Variants in SLC25A48 observed in about 807,000 individuals in gnomAD.
SLC25A48 encodes solute carrier family 25 member 48.
SLC25A48 carries 29 observed loss-of-function variants against 32.2 expected under a neutral mutation model. The observed-to-expected ratio is 0.90, with a 90% CI of 0.67 to 1.23. The LOEUF is 1.23. SLC25A48 is among the 50% of genes most tolerant of loss of function. The pLI is 0.00. For missense variants in SLC25A48, 399 were observed against 422.7 expected, an observed-to-expected ratio of 0.94 and a Z score of 0.49; for synonymous variants, 164 against 172.3, an observed-to-expected ratio of 0.95 and a Z score of 0.38.
chr5:135,586,083 G>A (rs1751359650), intron 1 of SLC25A48, among the ~76,000 whole-genome samples: 1 of 152,166 alleles, frequency 6.6e-6, no homozygotes, highest in African/African-American at 2.4e-5. Flanking sequence ...TACAGATGAG[G>A]AAACTGAGGA....
At chr5:135,703,953 A>T (rs1382858502) in intron 3 of SLC25A48, among the ~76,000 whole-genome samples, 1 of 152,144 alleles carries the variant, frequency 6.6e-6, no homozygotes, top group South Asian at 2.1e-4. Context: ...ACAATGCCAG[A>T]CTCAGTGTTT....
intron 1 of SLC25A48, among the ~76,000 whole-genome samples, chr5:135,597,358 A>G (rs578063653): frequency 5.1e-4 from 78 of 152,296 alleles, no homozygotes; most frequent in African/African-American, 1.7e-3. Flanking sequence ...TCCCAGGACA[A>G]TTCAGAAGTC....
At chr5:135,697,700 G>T (rs942298498) in intron 3 of SLC25A48, among the ~76,000 whole-genome samples, 3 of 152,296 alleles carry the variant, frequency 2.0e-5, no homozygotes, top group African/African-American at 4.8e-5. Context: ...CATTCAGGTT[G>T]CAGGCAGGTG....
At chr5:135,590,720 C>T (rs1421291291) in intron 1 of SLC25A48, among the ~76,000 whole-genome samples, 1 of 152,112 alleles carries the variant, frequency 6.6e-6, no homozygotes, top group Non-Finnish European at 1.5e-5. Context: ...GTTCCCTGTC[C>T]TGCAAAGAGG....
chr5:135,789,495 T>G (rs1756964735), intron 3 of SLC25A48, among the ~76,000 whole-genome samples: 1 of 151,524 alleles, frequency 6.6e-6, no homozygotes, highest in South Asian at 2.1e-4. Context: ...TACAACCGCC[T>G]GCGGAATGGT....
At chr5:135,760,610 G>A (rs1756039425) in intron 3 of SLC25A48, among the ~76,000 whole-genome samples, 2 of 152,184 alleles carry the variant, frequency 1.3e-5, no homozygotes, top group African/African-American at 2.4e-5. Flanking sequence ...TCAGCTGCTG[G>A]AGTGATCTGG....
rs541022622 is a variant in SLC25A48 at position 135,715,784 on chromosome 5, G to A, written c.-521+80828G>A. 2.0e-5 allele frequency among the ~76,000 whole-genome samples: 3 copies of A among 152,310 alleles called. No individual in the cohort carries two copies. In the East Asian group the frequency reaches 5.8e-4, roughly 29 times the overall value. ...CCTTTTCTCTCTTAGAACCACTTGT[G>A]CCTATAATTAGGCAGCAGTGCCTCA... On this transcript the variant is annotated intron_variant, in intron 3 of 10. Transcript: ENST00000646290.
intron 3 of SLC25A48, among the ~76,000 whole-genome samples, chr5:135,747,639 C>T (rs1291749923): frequency 6.6e-6 from 1 of 152,150 alleles, no homozygotes; most frequent in Non-Finnish European, 1.5e-5. Flanking sequence ...TGTCATTGAT[C>T]ACAGGTTTGG....
rs1366344402 is a variant in SLC25A48, at chr5:135,888,071, A to G, written c.*47A>G. ...ATGACTACAGTGTTCCCTGGGCCTC[A>G]TCTCTGCATGTGAAGCCCTGAGAGC... On this transcript the variant is annotated 3_prime_UTR_variant, in exon 8 of 8. Coordinates refer to ENST00000681962, the MANE Select transcript of SLC25A48 (RefSeq NM_001349336.2). 7 of 1,551,684 alleles carry G rather than the reference A, an allele frequency of 4.5e-6. No individual in the cohort carries two copies. The highest frequency in any genetic ancestry group is 4.9e-5 in the East Asian group (2 of 40,904).
intron 3 of SLC25A48, among the ~76,000 whole-genome samples, chr5:135,659,554 G>A (rs866711333): frequency 5.3e-5 from 8 of 152,258 alleles, no homozygotes; most frequent in Middle Eastern, 3.4e-3. Flanking sequence ...TTCCAAAGTT[G>A]CTTTGACATT....
chr5:135,692,652 T>A (rs1254687527), intron 3 of SLC25A48, among the ~76,000 whole-genome samples: 1 of 152,182 alleles, frequency 6.6e-6, no homozygotes, highest in African/African-American at 2.4e-5. Flanking sequence ...AATGCCGTCT[T>A]TGAGAGCTTA....
chr5:135,804,750 ACAT>A (rs1212707288), intron 3 of SLC25A48, among the ~76,000 whole-genome samples: 1 of 151,690 alleles, frequency 6.6e-6, no homozygotes, highest in African/African-American at 2.4e-5. Flanking sequence ...CAGTGAGTGT[ACAT>A]CATAAGTGTA....
intron 3 of SLC25A48, among the ~76,000 whole-genome samples, chr5:135,802,012 A>G (rs1757341672): frequency 6.6e-6 from 1 of 151,772 alleles, no homozygotes; most frequent in African/African-American, 2.4e-5. Flanking sequence ...AGGAGATAAG[A>G]TGCTATTACA....
At chr5:135,808,243 GATA>G (rs1757509306) in intron 3 of SLC25A48, among the ~76,000 whole-genome samples, 1 of 149,886 alleles carries the variant, frequency 6.7e-6, no homozygotes, top group African/African-American at 2.4e-5. Flanking sequence ...ATTAACACTT[GATA>G]TTATTATAAA....
chr5:135,851,172 T>C (rs6898302), intron 3 of SLC25A48, among the ~76,000 whole-genome samples: 1 of 152,170 alleles, frequency 6.6e-6, no homozygotes, highest in African/African-American at 2.4e-5. Context: ...GGTCCCACTG[T>C]AGCCATTGTC....
intron 1 of SLC25A48, among the ~76,000 whole-genome samples, chr5:135,585,374 C>A (rs182424291): frequency 1.6e-3 from 245 of 152,318 alleles, no homozygotes; most frequent in Middle Eastern, 3.4e-3. Flanking sequence ...TACAGGGAAG[C>A]CCTCCTTGAC....
At chr5:135,778,919 G>A (rs1756646328) in intron 3 of SLC25A48, among the ~76,000 whole-genome samples, 1 of 145,868 alleles carries the variant, frequency 6.9e-6, no homozygotes, top group Non-Finnish European at 1.5e-5. Flanking sequence ...TGCAGGAGGT[G>A]TACACCTCCA....
intron 3 of SLC25A48, among the ~76,000 whole-genome samples, chr5:135,851,614 G>A (rs146264672): frequency 6.6e-5 from 10 of 152,338 alleles, no homozygotes; most frequent in Admixed American, 3.3e-4. Context: ...GTGTGTGTGC[G>A]TGTGCAGGTG....
chr5:135,623,194 C>G (rs190602952), intron 1 of SLC25A48, among the ~76,000 whole-genome samples: 1 of 152,360 alleles, frequency 6.6e-6, no homozygotes, highest in African/African-American at 2.4e-5. Context: ...TATAAAGACT[C>G]TAGTATGAGA....
Sources: gnomAD v4.1 joint callset for allele counts (sites outside exome capture counted in the v4.1 genomes callset) on GRCh38, gnomAD v4.1.1 for gene constraint, MANE v1.5 for transcripts, NCBI Gene and HGNC (gene_info 2026-07-23, HGNC 2026-07-21) for gene names.